GREB1L: variants seen among roughly 807,000 people sequenced by gnomAD.
GREB1L encodes the protein GREB1 like retinoic acid receptor coactivator, also known as GREB1-like protein.
A neutral mutation model predicts 200.8 loss-of-function variants in GREB1L; 17 were observed. The ratio of observed to expected loss-of-function variants is 0.08; its 90% CI spans 0.06 to 0.13. The LOEUF is 0.13. Among genes scored for constraint, GREB1L ranks in the 10% least tolerant of loss-of-function variants. GREB1L has a pLI of 1.00. For missense variants in GREB1L, 1,657 were observed against 2,367.7 expected, an observed-to-expected ratio of 0.70 and a Z score of 6.23; for synonymous variants, 789 against 893.0, an observed-to-expected ratio of 0.88 and a Z score of 2.08.
At chr18:21,518,544 G>A (rs936652048) in intron 31 of GREB1L, among the ~76,000 whole-genome samples, 27 of 152,282 alleles carry the variant, frequency 1.8e-4, no homozygotes, top group Admixed American at 1.2e-3. Flanking sequence ...GCCTACCTCG[G>A]TGACTTTGGG....
intron 1 of GREB1L, among the ~76,000 whole-genome samples, chr18:21,296,066 C>T (rs1214733277): frequency 6.6e-6 from 1 of 152,142 alleles, no homozygotes; most frequent in Non-Finnish European, 1.5e-5. Flanking sequence ...CCTAGGAATC[C>T]CATTACTGAG....
At chr18:21,247,518 C>G (rs148700591) in intron 1 of GREB1L, among the ~76,000 whole-genome samples, 1 of 152,018 alleles carries the variant, frequency 6.6e-6, no homozygotes, top group African/African-American at 2.4e-5. Context: ...CCTGTATTCC[C>G]GTGTTTGCCT....
In GREB1L at chr18:21,373,597, G is replaced by A. The variant is rs559727721; in HGVS notation, c.-10+7461G>A. ...GATCCACCCGCCTTGGCCTCCCAAA[G>A]TGCTGGGATTCCAGGCCGTGAGCCA... On this transcript the variant is annotated intron_variant, in intron 2 of 32. Transcript: ENST00000424526. Among the ~76,000 whole-genome samples, 134 of 152,114 alleles carry A rather than the reference G, an allele frequency of 8.8e-4. 2 individuals carry two copies. Among genetic ancestry groups the A allele is most frequent in the Non-Finnish European group, 1.6e-4 (11 of 68,014 alleles).
chr18:21,419,217 G>A (rs1388564628), intron 7 of GREB1L, among the ~76,000 whole-genome samples: 1 of 152,130 alleles, frequency 6.6e-6, no homozygotes, highest in African/African-American at 2.4e-5. Context: ...GGACAAAATT[G>A]CCTAATGACA....
intron 19 of GREB1L, among the ~76,000 whole-genome samples, chr18:21,494,193 G>A (rs1276643010): frequency 1.3e-5 from 2 of 152,046 alleles, no homozygotes; most frequent in Non-Finnish European, 2.9e-5. Flanking sequence ...TTGACACATT[G>A]ATTTTTCTAA....
chr18:21,390,579 C>A (rs1300763907), intron 4 of GREB1L, among the ~76,000 whole-genome samples: 1 of 152,120 alleles, frequency 6.6e-6, no homozygotes, highest in African/African-American at 2.4e-5. Context: ...GCGCTGTCAC[C>A]AGGTTGGAGT....
At chr18:21,284,672 A>T (rs537731049) in intron 1 of GREB1L, among the ~76,000 whole-genome samples, 1 of 152,038 alleles carries the variant, frequency 6.6e-6, no homozygotes, top group Non-Finnish European at 1.5e-5. Context: ...GTATGTTTTC[A>T]TTTCTCTTGG....
At chr18:21,359,308 G>T (rs562451526) in intron 1 of GREB1L, among the ~76,000 whole-genome samples, 1 of 152,292 alleles carries the variant, frequency 6.6e-6, no homozygotes, top group Non-Finnish European at 1.5e-5. Flanking sequence ...AAATTAGCTG[G>T]GCGTGGTGGC....
intron 1 of GREB1L, among the ~76,000 whole-genome samples, chr18:21,307,978 T>C (rs2144762916): frequency 6.6e-6 from 1 of 152,346 alleles, no homozygotes; most frequent in South Asian, 2.1e-4. Flanking sequence ...AGTACCCCGA[T>C]ACCATGTGCA....
In GREB1L at chr18:21,496,646, C is replaced by A. The variant is rs1334722873; in HGVS notation, c.3339C>A (p.Leu1113=). 1 of 1,551,554 alleles carries A rather than the reference C, an allele frequency of 6.4e-7. No homozygotes were observed. The highest frequency in any genetic ancestry group is 8.7e-7 in the Non-Finnish European group (1 of 1,146,998). ...GTGAGAATGACTCCGATGAGCTGCT[C>A]ATCGACCTGGAGCGGCCCCAGAGCA... ...AVSENDSDEL[L]IDLERPQSNS... The change falls in exon 21 of 33, where the codon CTC becomes CTA. Residue 1113 remains leucine, a synonymous_variant. Coordinates refer to ENST00000424526, the MANE Select transcript of GREB1L (RefSeq NM_001142966.3).
intron 19 of GREB1L, among the ~76,000 whole-genome samples, chr18:21,491,972 A>G (rs570095669): frequency 1.3e-5 from 2 of 152,290 alleles, no homozygotes; most frequent in East Asian, 1.9e-4. Context: ...ATGAATAACA[A>G]AACTCCGGAA....
intron 28 of GREB1L, among the ~76,000 whole-genome samples, 167 bp from the exon 29 acceptor site, chr18:21,515,250 C>CAAA (rs2037376991): frequency 6.6e-6 from 1 of 152,136 alleles, no homozygotes; most frequent in Non-Finnish European, 1.5e-5. Context: ...TAGTGACAGG[C>CAAA]AGTGTGAAAA....
intron 7 of GREB1L, among the ~76,000 whole-genome samples, chr18:21,404,284 G>A (rs1307231648): frequency 6.6e-6 from 1 of 152,176 alleles, no homozygotes; most frequent in African/African-American, 2.4e-5. Context: ...CATGAGGGGA[G>A]TCTGCATCAT....
chr18:21,351,051 T>C (rs1228461782), intron 1 of GREB1L, among the ~76,000 whole-genome samples: 10 of 152,186 alleles, frequency 6.6e-5, no homozygotes, highest in East Asian at 1.9e-4. Context: ...GATGGAAATA[T>C]ATATATTTTG....
intron 1 of GREB1L, among the ~76,000 whole-genome samples, chr18:21,317,145 A>T (rs780052706): frequency 2.6e-5 from 4 of 152,060 alleles, no homozygotes; most frequent in Admixed American, 2.0e-4. Flanking sequence ...GCAGCTATGC[A>T]GGAGGATCCC....
intron 1 of GREB1L, among the ~76,000 whole-genome samples, chr18:21,314,351 C>T (rs912797676): frequency 1.3e-5 from 2 of 151,992 alleles, no homozygotes; most frequent in Admixed American, 1.3e-4. Context: ...TGTGTGAAAG[C>T]GTGGAAACTT....
At chr18:21,517,531 TA>T (rs1432084349) in intron 30 of GREB1L, among the ~76,000 whole-genome samples, 1 of 152,128 alleles carries the variant, frequency 6.6e-6, no homozygotes, top group Non-Finnish European at 1.5e-5. Flanking sequence ...GAGAGAAATA[TA>T]AATCAAGATG....
In GREB1L at chr18:21,499,767, G is replaced by A. The variant is rs754611403; in HGVS notation, c.3430G>A (p.Ala1144Thr). 5.2e-6 allele frequency: 8 copies of A among 1,552,082 alleles called. No individual in the cohort carries two copies. Among genetic ancestry groups the A allele is most frequent in the Non-Finnish European group, 7.0e-6 (8 of 1,147,084 alleles). The change falls in exon 22 of 33, where the codon GCT becomes ACT. Residue 1144 changes from alanine (A) to threonine (T), a missense_variant. Physicochemically the swap from Ala to Thr is moderately conservative, Grantham distance 58. Around this residue, in one of 9 missense-constraint regions of GREB1L, gnomAD observed 512 missense variants for 668.3 expected, o/e 0.77. Coordinates refer to ENST00000424526, the MANE Select transcript of GREB1L (RefSeq NM_001142966.3). ...MENGVSSSST[A>T]DKSQKQSLTP... Reference sequence around the variant, plus strand: ...GAATGGAGTGAGCTCTTCCAGCACAGCTGACAAGTCCCAGAAGCAGTCCCT... The same window carrying A: ...GAATGGAGTGAGCTCTTCCAGCACAACTGACAAGTCCCAGAAGCAGTCCCT...
intron 4 of GREB1L, among the ~76,000 whole-genome samples, chr18:21,393,280 A>G (rs1201155198): frequency 2.6e-5 from 4 of 151,254 alleles, no homozygotes; most frequent in Non-Finnish European, 5.9e-5. Context: ...CTTGCTTCCA[A>G]AATTTTCTGA....
Sources: allele counts gnomAD v4.1 joint callset (sites outside exome capture counted in the v4.1 genomes callset), GRCh38; gene constraint gnomAD v4.1.1; regional missense constraint gnomAD v4.1.1; transcripts MANE v1.5; gene names NCBI Gene and HGNC (gene_info 2026-07-23, HGNC 2026-07-21).